The following ADGRD1 variants were observed in gnomAD, a reference collection of about 807,000 sequenced individuals.
The protein encoded by ADGRD1 is adhesion G protein-coupled receptor D1.
In ADGRD1, 77 loss-of-function variants were observed where a neutral mutation model predicts 113.4. The ratio of observed to expected loss-of-function variants is 0.68; its 90% CI spans 0.57 to 0.82. The LOEUF (loss-of-function observed/expected upper bound fraction) is 0.82. Among genes scored for constraint, ADGRD1 ranks in the 40% least tolerant of loss-of-function variants. ADGRD1 has a pLI of 0.00. For synonymous variants in ADGRD1, 474 were observed against 475.0 expected, an observed-to-expected ratio of 1.00 and a Z score of 0.03; for missense variants, 1,036 against 1,139.1, an observed-to-expected ratio of 0.91 and a Z score of 1.30.
chr12:131,036,102 C>A (rs773513868), intron 13 of ADGRD1, among the ~76,000 whole-genome samples: 1 of 152,198 alleles, frequency 6.6e-6, no homozygotes, highest in Non-Finnish European at 1.5e-5. Flanking sequence ...TTATATCAGG[C>A]CCCTGGAGAG....
At chr12:130,960,656 C>CTG (rs1870235384) in intron 2 of ADGRD1, among the ~76,000 whole-genome samples, 2 of 13,706 alleles carry the variant, frequency 1.5e-4, no homozygotes, top group Non-Finnish European at 1.6e-3. Flanking sequence ...GCAAAAATCT[C>CTG]TCTCTCACAC....
intron 9 of ADGRD1, chr12:131,002,726 G>A: frequency 8.0e-7 from 1 of 1,251,084 alleles, no homozygotes. Flanking sequence ...AGCTCTGGGT[G>A]CCGGCACCTC....
Position 131,084,769 on chromosome 12 carries a change from CATTACTCCA to C in ADGRD1, c.1671+107_1671+115del. On this transcript the variant is annotated intron_variant, in intron 15 of 24. Transcript: ENST00000261654. The surrounding 1 kb of genome is among the most constrained non-coding windows in gnomAD (Gnocchi z 4.5). ...CGCCAGTGCCCACGGGCCCTGGGCA[CATTACTCCA>C]TGGGGCCTGTGTTTACAGACGGAAT... is the stretch of plus-strand genomic sequence containing the variant. The C allele has an allele frequency of 3.4e-6, 4 of 1,191,116 alleles. No individual in the cohort carries two copies. Among genetic ancestry groups the C allele is most frequent in the Non-Finnish European group, 4.8e-6 (4 of 829,982 alleles). The allele number at this position is 1,191,116 out of a possible 1,614,324, so 73.8% of individuals were successfully genotyped here.
chr12:130,966,006 C>T lies in ADGRD1; in HGVS notation c.104-457C>T, dbSNP rs1028141713. Among the ~76,000 whole-genome samples the T allele has an allele frequency of 6.6e-6, 1 of 152,184 alleles. No homozygotes were observed. The highest frequency in any genetic ancestry group is 1.5e-5 in the Non-Finnish European group (1 of 68,038). ...GAAGTGAGGAAGTGCTTGTTAAGGACCTCAGTGTCTGGCATACCATTCATG... is the reference window on the plus strand; with the variant it reads ...GAAGTGAGGAAGTGCTTGTTAAGGATCTCAGTGTCTGGCATACCATTCATG... On this transcript the variant is annotated intron_variant, in intron 2 of 24. Coordinates refer to ENST00000261654, the MANE Select transcript of ADGRD1 (RefSeq NM_198827.5). The surrounding 1 kb of genome is among the most constrained non-coding windows in gnomAD (Gnocchi z 4.6).
At chr12:131,073,187 A>G (rs936896196) in intron 13 of ADGRD1, among the ~76,000 whole-genome samples, 1 of 152,240 alleles carries the variant, frequency 6.6e-6, no homozygotes, top group African/African-American at 2.4e-5. Flanking sequence ...AGCCTCTATC[A>G]GGCTGTGGCT....
chr12:130,963,588 G>A (rs750001002), intron 2 of ADGRD1, among the ~76,000 whole-genome samples: 5 of 152,120 alleles, frequency 3.3e-5, no homozygotes, highest in Non-Finnish European at 7.4e-5. Context: ...CAATATCAAT[G>A]AAAGAATATG....
intron 21 of ADGRD1, among the ~76,000 whole-genome samples, chr12:131,132,037 G>A (rs555914424): frequency 7.9e-5 from 12 of 152,308 alleles, no homozygotes; most frequent in Admixed American, 7.8e-4. Flanking sequence ...GCTCCCATGT[G>A]TAGAAGAACG....
chr12:130,998,336 T>A (rs1875888531), intron 8 of ADGRD1, among the ~76,000 whole-genome samples: 1 of 152,170 alleles, frequency 6.6e-6, no homozygotes, highest in Non-Finnish European at 1.5e-5. Context: ...TTTTGGGGTA[T>A]CTGGCTGGGG....
chr12:130,980,339 C>A (rs1441214541), intron 4 of ADGRD1, among the ~76,000 whole-genome samples: 5 of 152,072 alleles, frequency 3.3e-5, no homozygotes, highest in Admixed American at 6.5e-5. Context: ...CTCCTGACCT[C>A]ATGATCCACC....
At chr12:131,100,632 A>C (rs1950047412) in intron 15 of ADGRD1, among the ~76,000 whole-genome samples, 3 of 152,108 alleles carry the variant, frequency 2.0e-5, no homozygotes. Context: ...GGTTGGCGAT[A>C]AGGTTGATCG....
chr12:131,087,005 A>G lies in ADGRD1; in HGVS notation c.1671+2342A>G, dbSNP rs563539542. On this transcript the variant is annotated intron_variant, in intron 15 of 24. Coordinates refer to ENST00000261654, the MANE Select transcript of ADGRD1 (RefSeq NM_198827.5). Reference sequence around the variant, plus strand: ...ACTACAGCCTTGAACTCCTGGGCTCAGGCTATCCTCCCACCTCAGCCTCCC... The same window carrying G: ...ACTACAGCCTTGAACTCCTGGGCTCGGGCTATCCTCCCACCTCAGCCTCCC... Among the ~76,000 whole-genome samples the G allele has an allele frequency of 1.2e-4, 19 of 152,300 alleles. No individual in the cohort carries two copies. The East Asian group carries it at 2.7e-3, about 22-fold the overall frequency.
chr12:131,109,596 A>T (rs77470216), intron 18 of ADGRD1, among the ~76,000 whole-genome samples: 2 of 152,212 alleles, frequency 1.3e-5, no homozygotes, highest in East Asian at 3.8e-4. Context: ...GAAAGACAAC[A>T]TATTTTGTAT....
chr12:131,095,554 G>C (rs933494590), intron 15 of ADGRD1, among the ~76,000 whole-genome samples: 10 of 152,196 alleles, frequency 6.6e-5, no homozygotes, highest in African/African-American at 2.4e-4. Context: ...GTCTTACTCT[G>C]TGGGGCTGAG....
intron 15 of ADGRD1, among the ~76,000 whole-genome samples, chr12:131,089,835 G>C (rs147312561): frequency 6.6e-6 from 1 of 152,362 alleles, no homozygotes; most frequent in African/African-American, 2.4e-5. Flanking sequence ...GCCCAGCCTT[G>C]AGCCAAATCC....
intron 4 of ADGRD1, among the ~76,000 whole-genome samples, chr12:130,972,800 G>A (rs1217186900): frequency 6.6e-6 from 1 of 152,076 alleles, no homozygotes; most frequent in Non-Finnish European, 1.5e-5. Flanking sequence ...GAAAGCTCCA[G>A]CAACCACACT....
At chr12:131,064,578 C>T (rs1884571176) in intron 13 of ADGRD1, among the ~76,000 whole-genome samples, 1 of 152,214 alleles carries the variant, frequency 6.6e-6, no homozygotes, top group Non-Finnish European at 1.5e-5. Flanking sequence ...TCATCTTTTG[C>T]TTCATGGGCC....
intron 13 of ADGRD1, among the ~76,000 whole-genome samples, chr12:131,034,565 G>C (rs1256242744): frequency 6.6e-6 from 1 of 152,238 alleles, no homozygotes; most frequent in African/African-American, 2.4e-5. Flanking sequence ...GAGGGACAGA[G>C]AGAGAGAAGA....
intron 5 of ADGRD1, among the ~76,000 whole-genome samples, chr12:130,985,334 C>G (rs1262986415): frequency 6.6e-6 from 1 of 152,260 alleles, no homozygotes; most frequent in East Asian, 1.9e-4. Context: ...TTGACAGTGT[C>G]TTTCACAGAG....
chr12:130,991,203 G>A, intron 7 of ADGRD1, 125 bp downstream of exon 7: 4 of 709,360 alleles, frequency 5.6e-6, no homozygotes, highest in East Asian at 2.7e-5. Context: ...TGTCTGGGAA[G>A]AAATAACAAA....
Sources: gnomAD v4.1 joint callset for allele counts (sites outside exome capture counted in the v4.1 genomes callset) on GRCh38, gnomAD v4.1.1 for gene constraint, Gnocchi (gnomAD v3.1) non-coding constraint, MANE v1.5 for transcripts, NCBI Gene and HGNC (gene_info 2026-07-23, HGNC 2026-07-21) for gene names.